The following MAN2A1 variants were observed in gnomAD, a reference collection of about 807,000 sequenced individuals.
The protein encoded by MAN2A1 is alpha-mannosidase 2.
A neutral mutation model predicts 142.6 loss-of-function variants in MAN2A1; 76 were observed. The observed-to-expected ratio is 0.53, with a 90% CI of 0.44 to 0.65. The LOEUF is 0.65. MAN2A1 is among the 30% of genes least tolerant of loss of function. The probability of loss-of-function intolerance (pLI) is 0.00; values close to 1 mark genes in which losing one functional copy is unlikely to be tolerated. For missense variants in MAN2A1, 1,311 were observed against 1,365.1 expected (o/e 0.96, Z 0.62); for synonymous variants, 559 against 473.2 (o/e 1.18, Z -2.35).
chr5:109,713,609 A>G lies in MAN2A1; in HGVS notation c.225A>G (p.Ser75=), dbSNP rs759485952. Residue 75 remains serine (S), a synonymous_variant, in exon 2 of 22, where the codon TCA becomes TCG. Transcript: ENST00000261483. ...NNEIISNIRD[S]VINLSESVED... Reference sequence around the variant, plus strand: ...AGATCATCTCAAATATTAGAGACTCAGTCATCAATTTGAGTGAGTCTGTGG... The same window carrying G: ...AGATCATCTCAAATATTAGAGACTCGGTCATCAATTTGAGTGAGTCTGTGG... The G allele has an allele frequency of 5.0e-6, 8 of 1,614,114 alleles. No homozygotes were observed. The highest frequency in any genetic ancestry group is 1.7e-5 in the Admixed American group (1 of 60,024).
At chr5:109,735,814 G>A (rs1032847922) in intron 4 of MAN2A1, among the ~76,000 whole-genome samples, 2 of 148,050 alleles carry the variant, frequency 1.4e-5, no homozygotes, top group Admixed American at 1.3e-4. Flanking sequence ...GGATTTTGAT[G>A]AAAATTGATG....
chr5:109,806,683 A>T (rs553921538), intron 12 of MAN2A1, among the ~76,000 whole-genome samples: 1 of 152,306 alleles, frequency 6.6e-6, no homozygotes, highest in South Asian at 2.1e-4. Flanking sequence ...ATTTTGTGGA[A>T]TTCTTGCATT....
chr5:109,779,916 T>C (rs1753406039), intron 8 of MAN2A1, among the ~76,000 whole-genome samples: 1 of 152,198 alleles, frequency 6.6e-6, no homozygotes, highest in African/African-American at 2.4e-5. Flanking sequence ...TGTAAAAATA[T>C]ATTGCACCAC....
chr5:109,724,219 A>G (rs1210742371), intron 3 of MAN2A1, among the ~76,000 whole-genome samples: 3 of 152,138 alleles, frequency 2.0e-5, no homozygotes, highest in East Asian at 1.9e-4. Flanking sequence ...TCATTTTTTC[A>G]TAGAAAATAC....
rs1197030789 is a variant in MAN2A1, at chr5:109,837,968, C to T, written c.2567-4360C>T. On this transcript the variant is annotated intron_variant, in intron 16 of 21. Coordinates refer to ENST00000261483, the MANE Select transcript of MAN2A1 (RefSeq NM_002372.4). Reference sequence around the variant, plus strand: ...TGTCTAACAGTGATTCAGTACTTACCATGTACCCCAAATGTTGTTAAGAAC... The same window carrying T: ...TGTCTAACAGTGATTCAGTACTTACTATGTACCCCAAATGTTGTTAAGAAC... Among the ~76,000 whole-genome samples the T allele has an allele frequency of 3.9e-5, 6 of 151,966 alleles. No homozygotes were observed. The East Asian group carries it at 1.2e-3, about 29-fold the overall frequency.
chr5:109,849,134 A>G (rs1344276707), intron 19 of MAN2A1, among the ~76,000 whole-genome samples: 1 of 152,074 alleles, frequency 6.6e-6, no homozygotes, highest in Non-Finnish European at 1.5e-5. Context: ...TTATCTCTCT[A>G]ATAGTTCTCT....
chr5:109,755,415 A>G lies in MAN2A1; in HGVS notation c.794A>G (p.Asp265Gly). ...ACTCCACATTATTTTGCCTTAATTG[A>G]TCAACTAATTGAAGGACATCAGTGG... is the stretch of plus-strand genomic sequence containing the variant. The part of the protein sequence containing the change: ...EATPHYFALI[D>G]QLIEGHQWLE... The change falls in exon 5 of 22, where the codon GAT (aspartate) becomes GGT (glycine). Residue 265 changes from aspartate (D) to glycine (G), a missense_variant. Physicochemically the swap from Asp to Gly is moderately conservative, Grantham distance 94. Transcript: ENST00000261483. The G allele has an allele frequency of 6.2e-7, 1 of 1,611,264 alleles. No individual in the cohort carries two copies. Among genetic ancestry groups the G allele is most frequent in the Non-Finnish European group, 8.5e-7 (1 of 1,177,458 alleles).
Position 109,729,496 on chromosome 5 carries a change from G to T in MAN2A1, c.690G>T (p.Lys230Asn). 1 of 1,531,902 alleles carries T rather than the reference G, an allele frequency of 6.5e-7. No individual in the cohort carries two copies. 94.9% of individuals were successfully genotyped at this position (1,531,902 alleles called of 1,614,324 possible). A position where few individuals can be genotyped will look rare whatever the true frequency, so the allele number is the denominator to read the frequency against. Residue 230 changes from lysine to asparagine, a missense_variant, in exon 4 of 22, where the codon AAG (lysine) becomes AAT (asparagine). Transcript: ENST00000261483. ...GGTGGGATATTATAGATATTCAGAAGAAGGATGCTGTTAAAAGGTTTGTTT... is the reference window on the plus strand; with the variant it reads ...GGTGGGATATTATAGATATTCAGAATAAGGATGCTGTTAAAAGGTTTGTTT... ...SKWWDIIDIQ[K>N]KDAVKSLIEN...
intron 21 of MAN2A1, 155 bp downstream of exon 21, chr5:109,865,301 C>A: frequency 1.6e-6 from 1 of 613,370 alleles, no homozygotes; most frequent in Non-Finnish European, 2.9e-6. Context: ...CTGAAAAATG[C>A]ACTTTCTCAA....
In MAN2A1 at chr5:109,789,331, C is replaced by T. The variant is rs1029623435; in HGVS notation, c.1876-129C>T. On this transcript the variant is annotated intron_variant, in intron 11 of 21. Coordinates refer to ENST00000261483, the MANE Select transcript of MAN2A1 (RefSeq NM_002372.4). ...TTTTGCTTGGCTTTAATTAGAAACC[C>T]CTTGATATTTAACTTTTTATAAGTC... 3.8e-5 allele frequency: 22 copies of T among 575,034 alleles called. No individual in the cohort carries two copies. The Admixed American group carries it at 5.9e-4, about 16-fold the overall frequency. 35.6% of individuals were successfully genotyped at this position (575,034 alleles called of 1,614,324 possible). A position where few individuals can be genotyped will look rare whatever the true frequency, so the allele number is the denominator to read the frequency against.
chr5:109,832,651 C>T (rs1754945310), intron 16 of MAN2A1, among the ~76,000 whole-genome samples: 1 of 152,218 alleles, frequency 6.6e-6, no homozygotes, highest in Admixed American at 6.5e-5. Context: ...ACAAAACCGC[C>T]ATCGTCATCA....
At chr5:109,696,203 C>T (rs1750807266) in intron 1 of MAN2A1, among the ~76,000 whole-genome samples, 2 of 151,902 alleles carry the variant, frequency 1.3e-5, no homozygotes, top group African/African-American at 4.8e-5. Context: ...CGGGTTCAAG[C>T]GATTCTCCTG....
In MAN2A1 at chr5:109,713,715, G is replaced by T; in HGVS notation, c.331G>T (p.Val111Phe). 1.2e-6 allele frequency: 2 copies of T among 1,613,972 alleles called. No individual in the cohort carries two copies. Among genetic ancestry groups the T allele is most frequent in the Non-Finnish European group, 1.7e-6 (2 of 1,180,000 alleles). Residue 111 changes from valine (V) to phenylalanine (F), a missense_variant, in exon 2 of 22, where the codon GTT (valine) becomes TTT (phenylalanine). By Grantham distance (50) the Val-to-Phe change is conservative. Coordinates refer to ENST00000261483, the MANE Select transcript of MAN2A1 (RefSeq NM_002372.4). Reference protein sequence around the residue: ...HLLPSQLSLSVDTADCLFASQ... With the variant: ...HLLPSQLSLSFDTADCLFASQ... ...TCTGCCCTCACAATTATCCCTCTCA[G>T]TTGACACTGCAGACTGTCTGTTTGC...
At chr5:109,791,548 G>C (rs561007470) in intron 12 of MAN2A1, among the ~76,000 whole-genome samples, 1 of 151,730 alleles carries the variant, frequency 6.6e-6, no homozygotes, top group East Asian at 1.9e-4. Flanking sequence ...ATGTTGTAAG[G>C]GTTGGCTTTT....
chr5:109,709,290 C>T (rs760656287), intron 1 of MAN2A1, among the ~76,000 whole-genome samples: 2 of 152,154 alleles, frequency 1.3e-5, no homozygotes, highest in Non-Finnish European at 2.9e-5. Context: ...ATAGTTTGAT[C>T]TAATAGAACA....
At chr5:109,816,689 A>G (rs1754470054) in intron 12 of MAN2A1, among the ~76,000 whole-genome samples, 1 of 152,124 alleles carries the variant, frequency 6.6e-6, no homozygotes, top group Admixed American at 6.6e-5. Flanking sequence ...TTATTCTGTG[A>G]GATTAGGTAG....
intron 12 of MAN2A1, among the ~76,000 whole-genome samples, chr5:109,810,506 G>T (rs1342338168): frequency 6.6e-6 from 1 of 152,142 alleles, no homozygotes; most frequent in Non-Finnish European, 1.5e-5. Context: ...TTCTGTTCAG[G>T]TTTTAAGCTT....
rs1751946937 is a variant in MAN2A1, at chr5:109,732,555, G to A, written c.707+3042G>A. Among the ~76,000 whole-genome samples, 3 of 152,018 alleles carry A rather than the reference G, an allele frequency of 2.0e-5. No individual in the cohort carries two copies. The South Asian group carries it at 6.2e-4, about 32-fold the overall frequency. On this transcript the variant is annotated intron_variant, in intron 4 of 21. Transcript: ENST00000261483. ...AATTTTTGTATAAGGTTTAAGGAAG[G>A]GATCCAGTTTCAGCTTTCTGCTTAT...
chr5:109,755,980 C>G (rs574475439), intron 5 of MAN2A1, among the ~76,000 whole-genome samples: 1 of 151,914 alleles, frequency 6.6e-6, no homozygotes, highest in South Asian at 2.1e-4. Context: ...ATTTTTCCAA[C>G]CTAGCAACCA....
Sources: gnomAD v4.1 joint callset for allele counts (sites outside exome capture counted in the v4.1 genomes callset) on GRCh38, gnomAD v4.1.1 for gene constraint, MANE v1.5 for transcripts, NCBI Gene and HGNC (gene_info 2026-07-23, HGNC 2026-07-21) for gene names.